Variants in SPMAP2L observed in about 807,000 individuals in gnomAD.
The protein encoded by SPMAP2L is sperm microtubule associated protein 2-like.
the SPMAP2L span, among the ~76,000 whole-genome samples, chr4:56,610,228 T>G: frequency 2.2e-4 from 34 of 152,224 alleles, no homozygotes; most frequent in East Asian, 6.4e-3. Flanking sequence ...CCAAACAGCA[T>G]AGTACTGCTA....
chr4:56,603,702 T>C, the SPMAP2L span, among the ~76,000 whole-genome samples: 1,645 of 152,332 alleles, frequency 0.011, 15 homozygotes, highest in Non-Finnish European at 0.017. Context: ...TAACTGATCC[T>C]ACCTCAGTCC....
At chr4:56,588,599 T>C in the SPMAP2L span, among the ~76,000 whole-genome samples, 4 of 152,034 alleles carry the variant, frequency 2.6e-5, no homozygotes, top group Non-Finnish European at 5.9e-5. Flanking sequence ...GCCAGGCTAA[T>C]TTTGTATTTT....
the SPMAP2L span, among the ~76,000 whole-genome samples, chr4:56,584,870 T>C: frequency 6.6e-6 from 1 of 152,176 alleles, no homozygotes; most frequent in Non-Finnish European, 1.5e-5. Flanking sequence ...GAGAAGCCTG[T>C]GGAAGGCTGT....
At chr4:56,595,804 C>T in the SPMAP2L span, 1 of 774,214 alleles carries the variant, frequency 1.3e-6, no homozygotes, top group Non-Finnish European at 2.4e-6. Flanking sequence ...ATCTCCCACC[C>T]CAGCCTCAAG....
chr4:56,592,986 C>T, the SPMAP2L span: 12 of 1,603,610 alleles, frequency 7.5e-6, no homozygotes, highest in South Asian at 1.1e-4. Flanking sequence ...ATGGAAGACC[C>T]TGTTTGTGAA....
At chr4:56,573,297 A>G in the SPMAP2L span, among the ~76,000 whole-genome samples, 1 of 152,072 alleles carries the variant, frequency 6.6e-6, no homozygotes, top group Admixed American at 6.6e-5. Context: ...TATTTTCTCC[A>G]TTTTGTAGAA....
At chr4:56,624,385 G>A in the SPMAP2L span, among the ~76,000 whole-genome samples, 1 of 152,174 alleles carries the variant, frequency 6.6e-6, no homozygotes, top group African/African-American at 2.4e-5. Context: ...CATTTTTTGA[G>A]GAGAAATTCA....
At chr4:56,605,699 C>T in the SPMAP2L span, among the ~76,000 whole-genome samples, 1 of 152,224 alleles carries the variant, frequency 6.6e-6, no homozygotes, top group South Asian at 2.1e-4. Flanking sequence ...AACCCCCTTT[C>T]GTGAGGAGTT....
the SPMAP2L span, among the ~76,000 whole-genome samples, chr4:56,600,100 T>A: frequency 2.8e-5 from 2 of 71,882 alleles, no homozygotes; most frequent in South Asian, 1.1e-3. Context: ...TTGCTTTCTT[T>A]TTTTTTTTTT....
At chr4:56,605,024 G>A in the SPMAP2L span, among the ~76,000 whole-genome samples, 37 of 152,246 alleles carry the variant, frequency 2.4e-4, no homozygotes, top group Admixed American at 2.3e-3. Flanking sequence ...AGGGGGGTGA[G>A]GAATAAAAGA....
chr4:56,573,027 A>AG, the SPMAP2L span, among the ~76,000 whole-genome samples: 2 of 152,018 alleles, frequency 1.3e-5, no homozygotes, highest in Non-Finnish European at 2.9e-5. Context: ...AAAAAAAAAA[A>AG]AAAAAAATTT....
chr4:56,564,521 T>C, the SPMAP2L span, among the ~76,000 whole-genome samples: 1 of 152,186 alleles, frequency 6.6e-6, no homozygotes, highest in Non-Finnish European at 1.5e-5. Context: ...CTATCCAACC[T>C]CCTGTGATGA....
the SPMAP2L span, chr4:56,593,988 G>T: frequency 6.2e-7 from 1 of 1,610,304 alleles, no homozygotes; most frequent in South Asian, 1.1e-5. Context: ...CAGTGTGGCT[G>T]CTCAGTGAAG....
the SPMAP2L span, among the ~76,000 whole-genome samples, chr4:56,543,895 A>AGT: frequency 0.035 from 3,804 of 109,354 alleles, 117 homozygotes; most frequent in East Asian, 0.094. Flanking sequence ...AGAGAGAGAG[A>AGT]GTGTGTGTGT....
At chr4:56,617,039 C>T in the SPMAP2L span, among the ~76,000 whole-genome samples, 4 of 152,090 alleles carry the variant, frequency 2.6e-5, no homozygotes, top group Non-Finnish European at 5.9e-5. Context: ...TCGAATAGTA[C>T]GGAACCCTAT....
the SPMAP2L span, chr4:56,552,659 T>C: frequency 9.7e-7 from 1 of 1,030,054 alleles, no homozygotes. Flanking sequence ...TTGTGTTCAT[T>C]ACATAAAACA....
At chr4:56,561,346 C>A in the SPMAP2L span, among the ~76,000 whole-genome samples, 5 of 152,108 alleles carry the variant, frequency 3.3e-5, no homozygotes, top group Admixed American at 3.3e-4. Context: ...TTTGCTACAA[C>A]AGAATACCTG....
chr4:56,597,766 C>T, the SPMAP2L span, among the ~76,000 whole-genome samples: 8 of 152,036 alleles, frequency 5.3e-5, no homozygotes, highest in South Asian at 2.1e-4. Flanking sequence ...TCTTAGAACC[C>T]GAAACAAATC....
At chr4:56,553,365 AT>A in the SPMAP2L span, among the ~76,000 whole-genome samples, 1 of 150,126 alleles carries the variant, frequency 6.7e-6, no homozygotes, top group Non-Finnish European at 1.5e-5. Flanking sequence ...TAATTTTTAA[AT>A]TTTTTTGTGG....
Sources: gnomAD v4.1 joint callset for allele counts (sites outside exome capture counted in the v4.1 genomes callset) on GRCh38, gnomAD v4.1.1 for gene constraint, MANE v1.5 for transcripts, NCBI Gene and HGNC (gene_info 2026-07-23, HGNC 2026-07-21) for gene names.